POR: variants seen among roughly 807,000 people sequenced by gnomAD.
POR encodes the protein NADPH--cytochrome P450 reductase.
POR carries 56 observed loss-of-function variants against 84.0 expected under a neutral mutation model. The observed-to-expected ratio is 0.67, with a 90% CI of 0.54 to 0.83. The LOEUF is 0.83. POR is among the 40% of genes least tolerant of loss of function. POR has a pLI of 0.00. For synonymous variants in POR, 414 were observed against 400.5 expected (o/e 1.03, Z -0.40); for missense variants, 938 against 944.3 (o/e 0.99, Z 0.09).
intron 1 of POR, among the ~76,000 whole-genome samples, chr7:75,933,611 T>C (rs1342345265): frequency 1.3e-5 from 2 of 152,066 alleles, no homozygotes; most frequent in African/African-American, 2.4e-5. Context: ...GGCTGGTTTC[T>C]AACTCCTGAC....
At chr7:75,965,465 C>A (rs1020138121) in intron 2 of POR, among the ~76,000 whole-genome samples, 2 of 152,198 alleles carry the variant, frequency 1.3e-5, no homozygotes, top group Admixed American at 6.5e-5. Context: ...CACGCTTTTG[C>A]TCCCTCGGAC....
chr7:75,953,171 C>T (rs1349699309), intron 1 of POR, among the ~76,000 whole-genome samples: 1 of 152,056 alleles, frequency 6.6e-6, no homozygotes, highest in African/African-American at 2.4e-5. Flanking sequence ...ATACGAGAAC[C>T]AGTCAGGCGT....
At chr7:75,974,715 C>T (rs1241670001) in intron 3 of POR, among the ~76,000 whole-genome samples, 6 of 151,954 alleles carry the variant, frequency 3.9e-5, no homozygotes, top group Admixed American at 3.9e-4. Context: ...TCAGTAGAGA[C>T]AGGGTTTTGC....
chr7:75,981,244 C>CACACCA (rs1554557811), intron 6 of POR, 72 bp downstream of exon 6: 3 of 1,467,114 alleles, frequency 2.0e-6, no homozygotes, highest in Non-Finnish European at 2.7e-6. Flanking sequence ...GAGGGGCGCG[C>CACACCA]ACACCATTGT....
intron 1 of POR, among the ~76,000 whole-genome samples, chr7:75,949,121 G>A (rs1787305738): frequency 6.6e-6 from 1 of 152,036 alleles, no homozygotes; most frequent in Non-Finnish European, 1.5e-5. Context: ...TATGAGCTGT[G>A]TAAGGACTTC....
At chr7:75,940,781 C>A in intron 1 of POR, among the ~76,000 whole-genome samples, 1 of 149,324 alleles carries the variant, frequency 6.7e-6, no homozygotes, top group Non-Finnish European at 1.5e-5. Context: ...AAGACTCCAT[C>A]TCAAAAAAGA....
At chr7:75,923,556 G>T in intron 1 of POR, 1 of 371,608 alleles carries the variant, frequency 2.7e-6, no homozygotes, top group South Asian at 2.6e-5. Flanking sequence ...ATTATTTCCT[G>T]CTTTATCTTC....
At chr7:75,934,122 A>AGAGT (rs1807555954) in intron 1 of POR, among the ~76,000 whole-genome samples, 1 of 126,768 alleles carries the variant, frequency 7.9e-6, no homozygotes, top group Admixed American at 8.1e-5. Context: ...AAGACCTCAG[A>AGAGT]GTGTGTGTGT....
intron 1 of POR, among the ~76,000 whole-genome samples, chr7:75,952,047 G>A (rs1375475390): frequency 7.0e-6 from 1 of 142,476 alleles, no homozygotes; most frequent in African/African-American, 2.7e-5. Flanking sequence ...GCCGGGCAGA[G>A]GTGCCCCTCA....
intron 3 of POR, among the ~76,000 whole-genome samples, chr7:75,975,494 G>A (rs977887254): frequency 1.3e-5 from 2 of 152,230 alleles, no homozygotes; most frequent in African/African-American, 4.8e-5. Flanking sequence ...AGAAAAATTA[G>A]TGGGACACAG....
In POR at chr7:75,986,212, C is replaced by T. The variant is rs553145252; in HGVS notation, c.1869C>T (p.Ile623=). ...ACCGAGAGCACCTGTGGAAGTTGAT[C>T]GAAGGCGGTGCCCACATCTACGTCT... The change falls in exon 15 of 16, where the codon ATC becomes ATT. Residue 623 remains isoleucine (I), a synonymous_variant. Transcript: ENST00000461988. The T allele has an allele frequency of 1.7e-5, 27 of 1,612,418 alleles. No individual in the cohort carries two copies. Among genetic ancestry groups the T allele is most frequent in the Non-Finnish European group, 2.1e-5 (25 of 1,179,756 alleles).
At chr7:75,967,623 T>G (rs879975136) in intron 2 of POR, among the ~76,000 whole-genome samples, 2 of 151,340 alleles carry the variant, frequency 1.3e-5, no homozygotes, top group Admixed American at 6.6e-5. Flanking sequence ...TAGAAGAGCT[T>G]TGTTCCGCAG....
intron 1 of POR, among the ~76,000 whole-genome samples, chr7:75,916,090 G>C (rs1323396913): frequency 2.6e-5 from 4 of 152,084 alleles, no homozygotes; most frequent in African/African-American, 9.7e-5. Context: ...ACTGGACTGG[G>C]TGGCCCTGGT....
intron 2 of POR, among the ~76,000 whole-genome samples, chr7:75,966,596 G>A (rs984394151): frequency 3.4e-4 from 51 of 152,224 alleles, no homozygotes; most frequent in African/African-American, 1.2e-3. Flanking sequence ...CTGGTCCAAA[G>A]CAGCTTCCCC....
At position 75,986,845 on chromosome 7, in the gene POR, T is replaced by G. The variant is rs1320680588; in HGVS notation, c.*364T>G. 5.2e-6 allele frequency: 3 copies of G among 574,332 alleles called. No homozygotes were observed. The African/African-American group carries it at 5.6e-5, about 11-fold the overall frequency. 35.6% of individuals were successfully genotyped at this position (574,332 alleles called of 1,614,324 possible). A position where few individuals can be genotyped will look rare whatever the true frequency, so the allele number is the denominator to read the frequency against. ...ACCTCTGGCCCTTGGAATAAAGTTC[T>G]GTTTTCTGTATTTGCCTGGTATTGT... On this transcript the variant is annotated 3_prime_UTR_variant, in exon 16 of 16. Transcript: ENST00000461988.
intron 1 of POR, among the ~76,000 whole-genome samples, chr7:75,948,707 A>G (rs533015866): frequency 3.9e-5 from 6 of 152,276 alleles, no homozygotes; most frequent in African/African-American, 1.2e-4. Flanking sequence ...TCACATGTTT[A>G]TTTATTCAAC....
At chr7:75,932,011 G>A (rs966541961) in intron 1 of POR, among the ~76,000 whole-genome samples, 1 of 152,174 alleles carries the variant, frequency 6.6e-6, no homozygotes, top group African/African-American at 2.4e-5. Flanking sequence ...ACAGTGCTTT[G>A]TGGAATTGCT....
At chr7:75,961,005 G>A (rs376511168) in intron 2 of POR, among the ~76,000 whole-genome samples, 17 of 152,278 alleles carry the variant, frequency 1.1e-4, no homozygotes, top group Middle Eastern at 6.8e-3. Context: ...GGCCAAAGCA[G>A]GTGGATCACA....
intron 1 of POR, chr7:75,943,995 C>G (rs148600840): frequency 2.5e-6 from 1 of 403,762 alleles, no homozygotes; most frequent in Non-Finnish European, 4.8e-6. Context: ...TTCAAGGAAG[C>G]AAGGAAACGT....
Sources: allele counts gnomAD v4.1 joint callset (sites outside exome capture counted in the v4.1 genomes callset), GRCh38; gene constraint gnomAD v4.1.1; transcripts MANE v1.5; gene names NCBI Gene and HGNC (gene_info 2026-07-23, HGNC 2026-07-21).